The following CCNJL variants were observed in gnomAD, a reference collection of about 807,000 sequenced individuals.
CCNJL encodes cyclin J like, also known as cyclin-J-like protein.
Under a neutral mutation model 33.4 loss-of-function variants are expected in CCNJL, and 33 were observed. That is an observed-to-expected ratio of 0.99 (90% CI 0.75 to 1.32). The LOEUF (loss-of-function observed/expected upper bound fraction) is 1.32, where lower values mean the gene tolerates loss of function less well. Among genes scored for constraint, CCNJL ranks in the 40% most tolerant of loss-of-function variants. The probability of loss-of-function intolerance (pLI) is 0.00; values close to 1 mark genes in which losing one functional copy is unlikely to be tolerated. For synonymous variants in CCNJL, 227 were observed against 220.9 expected (o/e 1.03, Z -0.24); for missense variants, 512 against 499.7 (o/e 1.02, Z -0.23).
upstream of CCNJL, among the ~76,000 whole-genome samples, chr5:160,316,558 GA>G (rs1277571444): frequency 6.6e-6 from 1 of 152,112 alleles, no homozygotes; most frequent in African/African-American, 2.4e-5. Flanking sequence ...CTCAAACATG[GA>G]AAAATGTACA....
intron 1 of CCNJL, among the ~76,000 whole-genome samples, chr5:160,325,894 TATATTCACA>T (rs386694215): frequency 0.028 from 4,278 of 152,268 alleles, 188 homozygotes; most frequent in African/African-American, 0.096. Context: ...CATTTGTTTA[TATATTCACA>T]GTGGATGCTT....
intron 2 of CCNJL, among the ~76,000 whole-genome samples, chr5:160,299,462 TA>T (rs956322797): frequency 2.0e-5 from 3 of 150,792 alleles, no homozygotes; most frequent in South Asian, 2.1e-4. Flanking sequence ...TAAAAGACGC[TA>T]AAAAAAAATG....
At chr5:160,320,606 C>T (rs1241181623) in intron 1 of CCNJL, among the ~76,000 whole-genome samples, 1 of 152,204 alleles carries the variant, frequency 6.6e-6, no homozygotes, top group Admixed American at 6.5e-5. Context: ...CCAGTGGGTG[C>T]GTGCTGCATC....
At position 160,252,761 on chromosome 5, in the gene CCNJL, AC is replaced by A; in HGVS notation, c.*616del. 1 of 152,664 alleles carries A rather than the reference AC, an allele frequency of 6.6e-6. No individual in the cohort carries two copies. The highest frequency in any genetic ancestry group is 1.5e-5 in the Non-Finnish European group (1 of 68,060). The allele number at this position is 152,664 out of a possible 1,614,324, so 9.5% of individuals were successfully genotyped here. ...GACATCTTACGAAACAGAAAGCAAG[AC>A]CACTTCGGGAAGCAGCAGCACATGA... On this transcript the variant is annotated 3_prime_UTR_variant, in exon 6 of 6. Transcript: ENST00000257536.
At chr5:160,327,992 T>C (rs1267850058) in intron 1 of CCNJL, among the ~76,000 whole-genome samples, 1 of 152,136 alleles carries the variant, frequency 6.6e-6, no homozygotes, top group African/African-American at 2.4e-5. Flanking sequence ...AATGCCTCCA[T>C]TGAGAGCTGA....
chr5:160,267,211 C>T (rs565856226), intron 3 of CCNJL, among the ~76,000 whole-genome samples: 2 of 152,310 alleles, frequency 1.3e-5, no homozygotes, highest in South Asian at 4.1e-4. Flanking sequence ...CATCTATTTA[C>T]TGCAGGGTTG....
intron 2 of CCNJL, among the ~76,000 whole-genome samples, chr5:160,303,662 T>C (rs1281235746): frequency 3.3e-5 from 5 of 152,154 alleles, no homozygotes; most frequent in Admixed American, 3.3e-4. Flanking sequence ...TTTGCTTGTA[T>C]TCATTTTTGC....
At chr5:160,304,540 GC>G (rs1293388470) in intron 2 of CCNJL, among the ~76,000 whole-genome samples, 4 of 150,142 alleles carry the variant, frequency 2.7e-5, no homozygotes, top group Non-Finnish European at 4.4e-5. Flanking sequence ...AGATAGCCCT[GC>G]CATTAGAGGA....
Position 160,249,605 on chromosome 5 carries a change from A to C in CCNJL, c.*3773T>G, listed in dbSNP as rs1312702038. ...TGGTGAAACCTCATCTCTACAAAAAATACCAAAATTAGCTGGGTATGGTGA... is the reference window on the plus strand; with the variant it reads ...TGGTGAAACCTCATCTCTACAAAAACTACCAAAATTAGCTGGGTATGGTGA... On this transcript the variant is annotated 3_prime_UTR_variant, in exon 6 of 6. Coordinates refer to ENST00000257536, the MANE Select transcript of CCNJL (RefSeq NM_001308173.3). 6.6e-6 allele frequency: 1 copy of C among 152,032 alleles called. No individual in the cohort carries two copies. The highest frequency in any genetic ancestry group is 2.4e-5 in the African/African-American group (1 of 41,400). The allele number at this position is 152,032 out of a possible 1,614,324, so 9.4% of individuals were successfully genotyped here. A position where few individuals can be genotyped will look rare whatever the true frequency, so the allele number is the denominator to read the frequency against.
rs1452085983 is a variant in CCNJL at position 160,253,413 on chromosome 5, TC to T, written c.1128del (p.Ser377AlafsTer46). 6.3e-7 allele frequency: 1 copy of T among 1,598,874 alleles called. No individual in the cohort carries two copies. The highest frequency in any genetic ancestry group is 1.3e-5 in the African/African-American group (1 of 74,858). ...ATTYGSSYFSGSHMFPTGCFD... is the reference protein window; with the variant it reads ...ATTYGSSYFSXSHMFPTGCFD... The stretch of plus-strand genomic sequence containing the variant: ...AAGCAGCCGGTGGGGAACATGTGGC[TC>T]CCACTGAAGTAGCTGCTTCCATAGG... On this transcript the variant is annotated frameshift_variant, in exon 6 of 6. Coordinates refer to ENST00000257536, the MANE Select transcript of CCNJL (RefSeq NM_001308173.3). LOFTEE classifies it high-confidence loss of function.
intron 1 of CCNJL, among the ~76,000 whole-genome samples, chr5:160,333,709 C>A (rs372199861): frequency 6.6e-6 from 1 of 151,978 alleles, no homozygotes; most frequent in Non-Finnish European, 1.5e-5. Flanking sequence ...GAGGACCAAG[C>A]GGAAGGTGGT....
At chr5:160,334,800 T>C (rs746995150) in intron 1 of CCNJL, among the ~76,000 whole-genome samples, 2 of 152,264 alleles carry the variant, frequency 1.3e-5, no homozygotes, top group Admixed American at 6.5e-5. Context: ...TAAGAACAGA[T>C]GGCTGGACCC....
chr5:160,272,965 AGT>A (rs1391080589), intron 3 of CCNJL, among the ~76,000 whole-genome samples: 1 of 152,272 alleles, frequency 6.6e-6, no homozygotes. Flanking sequence ...CATAAATGAC[AGT>A]GTTTATAAAA....
chr5:160,311,794 C>T (rs973099123), intron 2 of CCNJL, 64 bp downstream of exon 2: 8 of 1,498,278 alleles, frequency 5.3e-6, no homozygotes, highest in African/African-American at 2.8e-5. Flanking sequence ...CCTGAGAACA[C>T]GAAGTCGAGA....
intron 3 of CCNJL, among the ~76,000 whole-genome samples, chr5:160,263,631 C>G (rs1299292552): frequency 6.6e-6 from 1 of 152,192 alleles, no homozygotes; most frequent in Non-Finnish European, 1.5e-5. Context: ...TAGCAGGAGT[C>G]CTAGGAAACG....
intron 4 of CCNJL, chr5:160,258,542 AG>A: frequency 6.6e-7 from 1 of 1,520,770 alleles, no homozygotes. Flanking sequence ...TATCTGAAAG[AG>A]GTTATTCGGG....
chr5:160,258,139 C>A (rs1409846863), intron 4 of CCNJL: 2 of 375,336 alleles, frequency 5.3e-6, no homozygotes, highest in African/African-American at 2.1e-5. Context: ...AGCCACCGCG[C>A]CCAGTCCAAT....
At chr5:160,277,523 G>A (rs1177017570) in intron 3 of CCNJL, among the ~76,000 whole-genome samples, 2 of 152,196 alleles carry the variant, frequency 1.3e-5, no homozygotes, top group African/African-American at 4.8e-5. Flanking sequence ...CTATATTTAT[G>A]GTAGAGTTCT....
At position 160,252,942 on chromosome 5, in the gene CCNJL, G is replaced by A. The variant is rs775253722; in HGVS notation, c.*436C>T. On this transcript the variant is annotated 3_prime_UTR_variant, in exon 6 of 6. Transcript: ENST00000257536. ...AAAAGCACCCAATATGGGATCCTCC[G>A]GGGGTCCTGAGAACACGCCAGGCTG... The A allele has an allele frequency of 7.6e-4, 119 of 156,278 alleles. No homozygotes were observed. The highest frequency in any genetic ancestry group is 1.5e-3 in the Non-Finnish European group (103 of 70,662). The allele number at this position is 156,278 out of a possible 1,614,324, so 9.7% of individuals were successfully genotyped here.
Sources: allele counts gnomAD v4.1 joint callset (sites outside exome capture counted in the v4.1 genomes callset), GRCh38; gene constraint gnomAD v4.1.1; transcripts MANE v1.5; gene names NCBI Gene and HGNC (gene_info 2026-07-23, HGNC 2026-07-21).